QTMAN: variants seen among roughly 807,000 people sequenced by gnomAD.
QTMAN encodes the protein queuosine-tRNA mannosyltransferase, also known as tRNA-queuosine alpha-mannosyltransferase.
the QTMAN span, among the ~76,000 whole-genome samples, chr2:143,996,335 A>G: frequency 6.6e-6 from 1 of 152,080 alleles, no homozygotes; most frequent in Non-Finnish European, 1.5e-5. Flanking sequence ...TTTCTATTAC[A>G]TTTATTGGCT....
chr2:143,962,501 T>C, the QTMAN span, among the ~76,000 whole-genome samples: 1 of 152,146 alleles, frequency 6.6e-6, no homozygotes, highest in Non-Finnish European at 1.5e-5. Flanking sequence ...ACACTTATTA[T>C]TGTTATACTA....
the QTMAN span, chr2:144,006,484 A>G: frequency 3.9e-5 from 6 of 152,138 alleles, no homozygotes; most frequent in African/African-American, 1.2e-4. Flanking sequence ...GATTAAACTA[A>G]CTGGGAGGAA....
the QTMAN span, among the ~76,000 whole-genome samples, chr2:144,053,949 AG>A: frequency 1.6e-3 from 251 of 152,300 alleles, no homozygotes; most frequent in African/African-American, 5.9e-3. Context: ...GCACTTTGGG[AG>A]GCCGAGGCAG....
chr2:144,196,222 C>G, the QTMAN span, among the ~76,000 whole-genome samples: 1 of 144,596 alleles, frequency 6.9e-6, no homozygotes, highest in Non-Finnish European at 1.5e-5. Context: ...GCCACACACA[C>G]ACACACACAC....
At chr2:144,019,761 G>T in the QTMAN span, among the ~76,000 whole-genome samples, 2 of 152,144 alleles carry the variant, frequency 1.3e-5, no homozygotes, top group Admixed American at 1.3e-4. Context: ...TGAAGTGAAA[G>T]TACACCCATT....
chr2:143,966,087 C>T, the QTMAN span, among the ~76,000 whole-genome samples: 1 of 152,246 alleles, frequency 6.6e-6, no homozygotes, highest in Admixed American at 6.5e-5. Context: ...GAATTTCTCA[C>T]CGTTATCAAC....
the QTMAN span, among the ~76,000 whole-genome samples, chr2:143,965,438 T>C: frequency 9.9e-5 from 15 of 152,176 alleles, no homozygotes; most frequent in Non-Finnish European, 2.1e-4. Context: ...ATAGGGCAGG[T>C]GATTTTATTA....
the QTMAN span, among the ~76,000 whole-genome samples, chr2:144,091,019 T>A: frequency 6.6e-6 from 1 of 151,790 alleles, no homozygotes. Flanking sequence ...CGGAACAGAA[T>A]AAAGAGTTGA....
the QTMAN span, among the ~76,000 whole-genome samples, chr2:144,213,630 G>A: frequency 1.3e-5 from 2 of 152,196 alleles, no homozygotes; most frequent in South Asian, 4.1e-4. Flanking sequence ...TGGTTTTAAC[G>A]GTTTTGATCC....
At chr2:144,045,676 T>C in the QTMAN span, among the ~76,000 whole-genome samples, 92 of 152,312 alleles carry the variant, frequency 6.0e-4, no homozygotes, top group African/African-American at 2.1e-3. Context: ...CTTTCATTTA[T>C]AAGTATTAGT....
At chr2:144,054,171 G>A in the QTMAN span, among the ~76,000 whole-genome samples, 10 of 152,078 alleles carry the variant, frequency 6.6e-5, no homozygotes, top group African/African-American at 2.2e-4. Flanking sequence ...CTGGGCGACA[G>A]AGTGAGACTC....
the QTMAN span, among the ~76,000 whole-genome samples, chr2:144,081,360 CCTT>C: frequency 3.3e-5 from 5 of 152,176 alleles, no homozygotes; most frequent in African/African-American, 7.2e-5. Flanking sequence ...AACTTTTTCT[CCTT>C]CTTCCACAAG....
At chr2:144,039,849 T>C in the QTMAN span, among the ~76,000 whole-genome samples, 1 of 152,188 alleles carries the variant, frequency 6.6e-6, no homozygotes, top group African/African-American at 2.4e-5. Context: ...ACTGTTTCTT[T>C]TTAAAGGTGA....
At chr2:144,206,404 G>C in the QTMAN span, among the ~76,000 whole-genome samples, 1 of 152,088 alleles carries the variant, frequency 6.6e-6, no homozygotes, top group South Asian at 2.1e-4. Context: ...TTGAATGCAC[G>C]CATTTGTAAA....
At chr2:144,284,517 T>G in the QTMAN span, among the ~76,000 whole-genome samples, 3 of 152,116 alleles carry the variant, frequency 2.0e-5, no homozygotes, top group Non-Finnish European at 4.4e-5. Flanking sequence ...ACATTAACAG[T>G]CTGCCTCTGA....
chr2:144,141,776 C>T, the QTMAN span: 5 of 778,320 alleles, frequency 6.4e-6, no homozygotes, highest in East Asian at 2.5e-5. Flanking sequence ...CTCTAACTAA[C>T]CATACTTATG....
the QTMAN span, among the ~76,000 whole-genome samples, chr2:144,035,582 G>A: frequency 6.6e-5 from 10 of 152,014 alleles, 1 homozygote; most frequent in South Asian, 1.9e-3. Flanking sequence ...CACAGAATCT[G>A]TATGTCAAAT....
the QTMAN span, among the ~76,000 whole-genome samples, chr2:144,232,216 A>G: frequency 1.3e-5 from 2 of 152,306 alleles, no homozygotes; most frequent in African/African-American, 4.8e-5. Flanking sequence ...TTGTTTTGCT[A>G]AAGTAGTGAA....
chr2:144,069,760 CAAAT>C, the QTMAN span, among the ~76,000 whole-genome samples: 1 of 151,936 alleles, frequency 6.6e-6, no homozygotes, highest in Admixed American at 6.6e-5. Flanking sequence ...TAGATATTGA[CAAAT>C]AAGAACTTCA....
Sources: allele counts gnomAD v4.1 joint callset (sites outside exome capture counted in the v4.1 genomes callset), GRCh38; gene constraint gnomAD v4.1.1; transcripts MANE v1.5; gene names NCBI Gene and HGNC (gene_info 2026-07-23, HGNC 2026-07-21).